Variants in SUFU observed in about 807,000 individuals in gnomAD.
The protein encoded by SUFU is SUFU negative regulator of hedgehog signaling, also known as suppressor of fused homolog.
In SUFU, 7 loss-of-function variants were observed where a neutral mutation model predicts 58.9. That is an observed-to-expected ratio of 0.12 (90% CI 0.07 to 0.22). The LOEUF (loss-of-function observed/expected upper bound fraction) is 0.22, where lower values mean the gene tolerates loss of function less well. Among genes scored for constraint, SUFU ranks in the 10% least tolerant of loss-of-function variants. SUFU has a pLI of 1.00. For synonymous variants in SUFU, 232 were observed against 254.8 expected (o/e 0.91, Z 0.85); for missense variants, 451 against 641.3 (o/e 0.70, Z 3.20).
rs532465305 is a variant in SUFU, at chr10:102,553,205, A to G, written c.454+3099A>G. Among the ~76,000 whole-genome samples, 38 of 152,342 alleles carry G rather than the reference A, an allele frequency of 2.5e-4. 2 individuals carry two copies. In the East Asian group the frequency reaches 7.1e-3, roughly 29 times the overall value. ...ATCTACTTTAAATTTTTTTTAGAAC[A>G]TGGTAGGAAATAATAGTAAATTGTT... On this transcript the variant is annotated intron_variant, in intron 3 of 11. Transcript: ENST00000369902.
upstream of SUFU, among the ~76,000 whole-genome samples, chr10:102,503,102 A>G (rs1589968768): frequency 6.6e-6 from 1 of 152,222 alleles, no homozygotes; most frequent in South Asian, 2.1e-4. Context: ...CTTAGACAAT[A>G]TAAGGTTCTC....
intron 3 of SUFU, among the ~76,000 whole-genome samples, chr10:102,576,167 T>C (rs2063209942): frequency 6.6e-6 from 1 of 152,038 alleles, no homozygotes; most frequent in African/African-American, 2.4e-5. Context: ...AAACTTAGAC[T>C]ATACAGATAA....
Position 102,536,130 on chromosome 10 carries a change from G to A in SUFU, c.318-13840G>A, listed in dbSNP as rs34080142. Among the ~76,000 whole-genome samples the A allele has an allele frequency of 4.3e-3, 655 of 151,854 alleles. 6 individuals are homozygous for A. Among genetic ancestry groups the A allele is most frequent in the Non-Finnish European group, 6.3e-3 (428 of 67,930 alleles). On this transcript the variant is annotated intron_variant, in intron 2 of 11. Transcript: ENST00000369902. ...ACTACAGGCGCCCACCAACACACCC[G>A]GTAATTTTGTATTTTTAGTGGAGAC...
chr10:102,527,511 A>ATATATATG (rs1386503061), intron 2 of SUFU, among the ~76,000 whole-genome samples: 1 of 151,322 alleles, frequency 6.6e-6, no homozygotes, highest in Non-Finnish European at 1.5e-5. Context: ...ATATATATAT[A>ATATATATG]TATGTATATT....
At chr10:102,575,107 G>A (rs2063200606) in intron 3 of SUFU, among the ~76,000 whole-genome samples, 2 of 151,796 alleles carry the variant, frequency 1.3e-5, no homozygotes, top group Admixed American at 6.6e-5. Flanking sequence ...TTAGCTACTC[G>A]GGAAGCTGAG....
At chr10:102,520,366 C>T (rs891444054) in intron 2 of SUFU, among the ~76,000 whole-genome samples, 1 of 151,276 alleles carries the variant, frequency 6.6e-6, no homozygotes, top group Non-Finnish European at 1.5e-5. Flanking sequence ...TACAGGCACC[C>T]GCCACCACGC....
intron 2 of SUFU, among the ~76,000 whole-genome samples, chr10:102,519,589 A>T (rs75808770): frequency 0.051 from 7,742 of 151,692 alleles, 277 homozygotes; most frequent in East Asian, 0.095. Context: ...AGTTGCCAGG[A>T]AAGTCTGCAA....
chr10:102,622,829 A>G (rs1483965185), intron 10 of SUFU, among the ~76,000 whole-genome samples: 3 of 151,618 alleles, frequency 2.0e-5, no homozygotes, highest in Non-Finnish European at 4.4e-5. Context: ...AGAAGAAAAA[A>G]AAAAAAAAAA....
chr10:102,561,603 G>A (rs952209044), intron 3 of SUFU, among the ~76,000 whole-genome samples: 1 of 151,458 alleles, frequency 6.6e-6, no homozygotes, highest in Non-Finnish European at 1.5e-5. Context: ...TAGGTTCCTT[G>A]GCCAGAGAGA....
intron 3 of SUFU, among the ~76,000 whole-genome samples, chr10:102,585,625 A>T (rs371848401): frequency 6.6e-6 from 1 of 151,560 alleles, no homozygotes; most frequent in Non-Finnish European, 1.5e-5. Context: ...TCCCACTTCA[A>T]CCTCCCGAGT....
intron 3 of SUFU, among the ~76,000 whole-genome samples, chr10:102,572,257 G>A (rs2063169740): frequency 6.9e-6 from 1 of 144,288 alleles, no homozygotes; most frequent in African/African-American, 2.6e-5. Context: ...TGTAATTTTA[G>A]TAGAGGACGG....
At chr10:102,567,134 C>T (rs1181619861) in intron 3 of SUFU, among the ~76,000 whole-genome samples, 1 of 149,070 alleles carries the variant, frequency 6.7e-6, no homozygotes, top group Non-Finnish European at 1.5e-5. Flanking sequence ...GCCTCAGCCT[C>T]CCTAGTAGCT....
intron 2 of SUFU, among the ~76,000 whole-genome samples, chr10:102,542,533 C>T (rs1034897939): frequency 6.6e-6 from 1 of 151,934 alleles, no homozygotes; most frequent in African/African-American, 2.4e-5. Context: ...CTTTGGCCTC[C>T]CAAAGTTCTG....
intron 3 of SUFU, among the ~76,000 whole-genome samples, chr10:102,580,619 G>A (rs928823935): frequency 6.6e-6 from 1 of 152,130 alleles, no homozygotes; most frequent in African/African-American, 2.4e-5. Context: ...ACAAGAAGAG[G>A]ATCTGCTGCC....
At position 102,504,276 on chromosome 10, in the gene SUFU, C is replaced by T. The variant is rs2062292519; in HGVS notation, c.124C>T (p.Arg42Cys). 8 of 1,613,932 alleles carry T rather than the reference C, an allele frequency of 5.0e-6. No homozygotes were observed. Among genetic ancestry groups the T allele is most frequent in the African/African-American group, 1.3e-5 (1 of 74,912 alleles). ...ACTGCACGCCATCTACGGAGAGTGC[C>T]GCCGCCTTTACCCTGACCAGCCGAA... ...PGLHAIYGECRRLYPDQPNPL... is the reference protein window; with the variant it reads ...PGLHAIYGECCRLYPDQPNPL... Residue 42 changes from arginine to cysteine, a missense_variant, in exon 1 of 12, where the codon CGC becomes TGC. Transcript: ENST00000369902.
At chr10:102,556,011 G>A (rs375229999) in intron 3 of SUFU, among the ~76,000 whole-genome samples, 1 of 152,222 alleles carries the variant, frequency 6.6e-6, no homozygotes, top group Admixed American at 6.5e-5. Flanking sequence ...CCATTTGCAC[G>A]TGAGAACATG....
chr10:102,510,212 C>T (rs540328981), intron 2 of SUFU, among the ~76,000 whole-genome samples: 2 of 151,220 alleles, frequency 1.3e-5, no homozygotes, highest in African/African-American at 4.9e-5. Flanking sequence ...CAATAAGCTA[C>T]CAACTATTTT....
At chr10:102,508,620 A>G (rs1320939697) in intron 1 of SUFU, among the ~76,000 whole-genome samples, 1 of 152,238 alleles carries the variant, frequency 6.6e-6, no homozygotes, top group Admixed American at 6.5e-5. Flanking sequence ...TGGTGTCAGC[A>G]CAGACTAGAG....
chr10:102,520,575 A>G (rs1461280978), intron 2 of SUFU, among the ~76,000 whole-genome samples: 1 of 152,152 alleles, frequency 6.6e-6, no homozygotes, highest in Non-Finnish European at 1.5e-5. Context: ...GCACCATACA[A>G]ACTAGTTTCA....
Sources: gnomAD v4.1 joint callset for allele counts (sites outside exome capture counted in the v4.1 genomes callset) on GRCh38, gnomAD v4.1.1 for gene constraint, MANE v1.5 for transcripts, NCBI Gene and HGNC (gene_info 2026-07-23, HGNC 2026-07-21) for gene names.